ZFHX4: variants seen among roughly 807,000 people sequenced by gnomAD.
ZFHX4 encodes the protein zinc finger homeobox protein 4.
In ZFHX4, 56 loss-of-function variants were observed where a neutral mutation model predicts 267.6. The observed-to-expected ratio is 0.21, with a 90% CI of 0.17 to 0.26. The LOEUF (loss-of-function observed/expected upper bound fraction) is 0.26, where lower values mean the gene tolerates loss of function less well. Among genes scored for constraint, ZFHX4 ranks in the 10% least tolerant of loss-of-function variants. The pLI, the probability that ZFHX4 is intolerant of heterozygous loss-of-function variation, is 1.00. For missense variants in ZFHX4, 4,332 were observed against 4,420.0 expected (o/e 0.98, Z 0.56); for synonymous variants, 1,778 against 1,665.6 (o/e 1.07, Z -1.64).
At chr8:76,758,176 G>A (rs1161898310) in intron 3 of ZFHX4, among the ~76,000 whole-genome samples, 1 of 152,032 alleles carries the variant, frequency 6.6e-6, no homozygotes, top group East Asian at 1.9e-4. Context: ...GGCACAATAT[G>A]GTAAGTGGAG....
Position 76,852,165 on chromosome 8 carries a change from C to T in ZFHX4, c.5244C>T (p.Phe1748=), listed in dbSNP as rs756696949. The part of the protein sequence containing the change: ...LFPFYIPGTE[F]SLGPDLGLPG... ...CATTTTATATACCTGGGACGGAGTTCAGCTTGGGGCCAGATTTGGGCTTGC... is the reference window on the plus strand; with the variant it reads ...CATTTTATATACCTGGGACGGAGTTTAGCTTGGGGCCAGATTTGGGCTTGC... The change falls in exon 10 of 11, where the codon TTC becomes TTT. Residue 1748 remains phenylalanine, a synonymous_variant. Transcript: ENST00000651372. 1 of 1,613,938 alleles carries T rather than the reference C, an allele frequency of 6.2e-7. No individual in the cohort carries two copies. Among genetic ancestry groups the T allele is most frequent in the African/African-American group, 1.3e-5 (1 of 75,044 alleles).
At chr8:76,785,676 T>C (rs1456954526) in intron 4 of ZFHX4, among the ~76,000 whole-genome samples, 1 of 152,168 alleles carries the variant, frequency 6.6e-6, no homozygotes, top group Non-Finnish European at 1.5e-5. Flanking sequence ...GCAGCTATTA[T>C]TTTTATTTGA....
At chr8:76,737,722 A>C (rs1265012041) in intron 3 of ZFHX4, among the ~76,000 whole-genome samples, 1 of 152,180 alleles carries the variant, frequency 6.6e-6, no homozygotes, top group Non-Finnish European at 1.5e-5. Context: ...TAAAAATGGT[A>C]ATTATTTTTA....
In ZFHX4 at chr8:76,844,560, C is replaced by T. The variant is rs188339579; in HGVS notation, c.3511+1789C>T. ...TCTTTACCAGTGCCACTTACTGCTC[C>T]GCAAAAGTAGTGGACTCAATCACTC... On this transcript the variant is annotated intron_variant, in intron 6 of 10. Coordinates refer to ENST00000651372, the MANE Select transcript of ZFHX4 (RefSeq NM_024721.5). Among the ~76,000 whole-genome samples, 35 of 152,156 alleles carry T rather than the reference C, an allele frequency of 2.3e-4. 2 individuals are homozygous for T. The East Asian group carries it at 2.5e-3, about 11-fold the overall frequency.
intron 3 of ZFHX4, among the ~76,000 whole-genome samples, chr8:76,710,548 G>T (rs1808396722): frequency 1.3e-5 from 2 of 152,188 alleles, no homozygotes; most frequent in South Asian, 4.1e-4. Flanking sequence ...TTCAGAGTTA[G>T]TGGCTAGACA....
chr8:76,829,972 G>T (rs1266913125), intron 4 of ZFHX4, among the ~76,000 whole-genome samples: 1 of 152,112 alleles, frequency 6.6e-6, no homozygotes, highest in Non-Finnish European at 1.5e-5. Context: ...TCAAAAAAAG[G>T]AAAGCTACTT....
chr8:76,855,425 C>T lies in ZFHX4; in HGVS notation c.8504C>T (p.Pro2835Leu), dbSNP rs764416836. 5.0e-6 allele frequency: 8 copies of T among 1,613,566 alleles called. No individual in the cohort carries two copies. Among genetic ancestry groups the T allele is most frequent in the African/African-American group, 4.0e-5 (3 of 74,918 alleles). Reference sequence around the variant, plus strand: ...ACAGGAAGTTCCGGAGATGTGAAACCGGCTTTGTCTCCCAAAGAGCCAAAA... The same window carrying T: ...ACAGGAAGTTCCGGAGATGTGAAACTGGCTTTGTCTCCCAAAGAGCCAAAA... ...STTGSSGDVK[P>L]ALSPKEPKTL... Residue 2835 changes from proline (P) to leucine (L), a missense_variant, in exon 10 of 11, where the codon CCG becomes CTG. Coordinates refer to ENST00000651372, the MANE Select transcript of ZFHX4 (RefSeq NM_024721.5).
At chr8:76,718,510 G>A (rs1207850751) in intron 3 of ZFHX4, among the ~76,000 whole-genome samples, 5 of 152,060 alleles carry the variant, frequency 3.3e-5, no homozygotes, top group African/African-American at 1.2e-4. Flanking sequence ...TCCATGATGA[G>A]TATTTCCTGA....
At chr8:76,685,488 GCT>G (rs1356006696) in intron 1 of ZFHX4, among the ~76,000 whole-genome samples, 3 of 152,064 alleles carry the variant, frequency 2.0e-5, no homozygotes, top group Non-Finnish European at 1.5e-5. Flanking sequence ...GTAGACCCAG[GCT>G]CAATAGTGTA....
chr8:76,755,156 A>G (rs1202814938), intron 3 of ZFHX4, among the ~76,000 whole-genome samples: 1 of 152,186 alleles, frequency 6.6e-6, no homozygotes, highest in Non-Finnish European at 1.5e-5. Flanking sequence ...GTATGTTCAC[A>G]TACTTTGCAC....
At position 76,850,963 on chromosome 8, in the gene ZFHX4, C is replaced by A. The variant is rs748248986; in HGVS notation, c.4042C>A (p.Gln1348Lys). 2 of 1,613,502 alleles carry A rather than the reference C, an allele frequency of 1.2e-6. No individual in the cohort carries two copies. Among genetic ancestry groups the A allele is most frequent in the Non-Finnish European group, 1.7e-6 (2 of 1,179,740 alleles). Residue 1348 changes from glutamine (Q) to lysine (K), a missense_variant, in exon 10 of 11, where the codon CAG becomes AAG. This residue lies in a region of ZFHX4 where 1,371 missense variants were observed against 1,423.1 expected (regional missense o/e 0.96). Coordinates refer to ENST00000651372, the MANE Select transcript of ZFHX4 (RefSeq NM_024721.5). ...KANVEVKNEE[Q>K]KPTKEPLEVS... ...TAATGTGGAAGTAAAGAATGAGGAG[C>A]AGAAACCGACTAAAGAACCCTTGGA...
At chr8:76,795,780 G>C (rs552692454) in intron 4 of ZFHX4, among the ~76,000 whole-genome samples, 2 of 151,926 alleles carry the variant, frequency 1.3e-5, no homozygotes, top group Non-Finnish European at 2.9e-5. Flanking sequence ...CAGGTGATCC[G>C]CCCGCCTCCA....
At chr8:76,789,923 G>T (rs1810790362) in intron 4 of ZFHX4, among the ~76,000 whole-genome samples, 2 of 152,032 alleles carry the variant, frequency 1.3e-5, no homozygotes, top group South Asian at 2.1e-4. Context: ...TAACTATTTG[G>T]ATTTCACTTA....
chr8:76,738,712 T>TTCTCTCTCTCTC (rs571087005), intron 3 of ZFHX4, among the ~76,000 whole-genome samples: 76 of 123,854 alleles, frequency 6.1e-4, no homozygotes, highest in African/African-American at 2.2e-3. Context: ...CTCTCTCTCT[T>TTCTCTCTCTCTC]TCTCTCTCTC....
chr8:76,829,022 C>T (rs1349167865), intron 4 of ZFHX4, among the ~76,000 whole-genome samples: 1 of 152,020 alleles, frequency 6.6e-6, no homozygotes, highest in Non-Finnish European at 1.5e-5. Flanking sequence ...AGTATTAGTA[C>T]TATGCTTGGC....
rs1808649518 is a variant in ZFHX4 at position 76,719,014 on chromosome 8, G to A, written c.3093+10966G>A. The stretch of plus-strand genomic sequence containing the variant: ...CAATTTAATTCTTTCAATGAATGTA[G>A]AACATGGATCTATTCCGATCTCCTG... On this transcript the variant is annotated intron_variant, in intron 3 of 10. Coordinates refer to ENST00000651372, the MANE Select transcript of ZFHX4 (RefSeq NM_024721.5). Among the ~76,000 whole-genome samples the A allele has an allele frequency of 2.0e-5, 3 of 149,666 alleles. No homozygotes were observed. In the Admixed American group the frequency reaches 2.0e-4, roughly 10 times the overall value.
chr8:76,818,036 G>T (rs968111202), intron 4 of ZFHX4, among the ~76,000 whole-genome samples: 1 of 152,158 alleles, frequency 6.6e-6, no homozygotes, highest in Non-Finnish European at 1.5e-5. Context: ...GAGTTTAGAG[G>T]CTGCCTAGAG....
intron 6 of ZFHX4, among the ~76,000 whole-genome samples, chr8:76,848,011 G>T (rs1812409111): frequency 6.6e-6 from 1 of 152,212 alleles, no homozygotes; most frequent in South Asian, 2.1e-4. Flanking sequence ...CCTCACCCTG[G>T]AAATAATTTA....
intron 3 of ZFHX4, among the ~76,000 whole-genome samples, chr8:76,771,195 C>T (rs1231772843): frequency 1.3e-5 from 2 of 151,940 alleles, no homozygotes; most frequent in African/African-American, 4.8e-5. Context: ...ATCTGCTTTC[C>T]CTTTCTAATT....
Sources: gnomAD v4.1 joint callset for allele counts (sites outside exome capture counted in the v4.1 genomes callset) on GRCh38, gnomAD v4.1.1 for gene constraint, gnomAD v4.1.1 regional missense constraint, MANE v1.5 for transcripts, NCBI Gene and HGNC (gene_info 2026-07-23, HGNC 2026-07-21) for gene names.